Variants in INSRR observed in about 807,000 individuals in gnomAD.
INSRR encodes insulin receptor related receptor, also known as insulin receptor-related protein.
Under a neutral mutation model 130.0 loss-of-function variants are expected in INSRR, and 114 were observed. The observed-to-expected ratio is 0.88, with a 90% CI of 0.75 to 1.02. The LOEUF (loss-of-function observed/expected upper bound fraction) is 1.02. Among genes scored for constraint, INSRR ranks in the 50% least tolerant of loss-of-function variants. The probability of loss-of-function intolerance (pLI) is 0.00; values close to 1 mark genes in which losing one functional copy is unlikely to be tolerated. For synonymous variants in INSRR, 674 were observed against 705.2 expected (o/e 0.96, Z 0.70); for missense variants, 1,657 against 1,735.2 (o/e 0.95, Z 0.80).
At chr1:156,857,179 G>GTT (rs1212034512) in intron 1 of INSRR, among the ~76,000 whole-genome samples, 7 of 121,574 alleles carry the variant, frequency 5.8e-5, no homozygotes, top group African/African-American at 2.5e-4. Context: ...GTGTGTGTGT[G>GTT]TGTGTGTGTG....
chr1:156,852,899 C>T (rs1051036370), intron 2 of INSRR, among the ~76,000 whole-genome samples: 3 of 152,142 alleles, frequency 2.0e-5, no homozygotes, highest in Non-Finnish European at 2.9e-5. Context: ...CTCTCCCGCC[C>T]GCCCTGCTGC....
chr1:156,845,373 T>A lies in INSRR; in HGVS notation c.2215A>T (p.Arg739Trp). 6.3e-7 allele frequency: 1 copy of A among 1,579,590 alleles called. No individual in the cohort carries two copies. Among genetic ancestry groups the A allele is most frequent in the South Asian group, 1.2e-5 (1 of 85,652 alleles). The change falls in exon 11 of 22, where the codon AGG becomes TGG. Residue 739 changes from arginine (R) to tryptophan (W), a missense_variant and splice_region_variant. By Grantham distance (101) the Arg-to-Trp change is moderately radical. Transcript: ENST00000368195. ...AGCACCTGCCCTAGTCCTGCTCACC[T>A]TTGGGGGCTCTTGTTGATGGACGTC... ...KVTSINKSPQ[R>W]DSGRHRRAAG... is the part of the protein sequence containing the mutation.
chr1:156,843,148 A>G lies in INSRR; in HGVS notation c.2982T>C (p.Tyr994=), dbSNP rs1459292640. ...ELGQGSFGMV[Y]EGLARGLEAG... ...CCTCAAGTCCTCGTGCCAGCCCCTCATATACCATCCCAAAAGAGCCCTGGC... is the reference window on the plus strand; with the variant it reads ...CCTCAAGTCCTCGTGCCAGCCCCTCGTATACCATCCCAAAAGAGCCCTGGC... The change falls in exon 17 of 22, where the codon TAT becomes TAC. Residue 994 remains tyrosine, a synonymous_variant. Transcript: ENST00000368195. 1.2e-6 allele frequency: 2 copies of G among 1,614,082 alleles called. No individual in the cohort carries two copies. The highest frequency in any genetic ancestry group is 2.2e-5 in the South Asian group (2 of 91,076).
At position 156,844,592 on chromosome 1, in the gene INSRR, T is replaced by G. The variant is rs759344836; in HGVS notation, c.2607A>C (p.Arg869=). The part of the protein sequence containing the change: ...EATVLCVSRL[R]YAKFGGVHLA... ...GGTGGACTCCCCCAAACTTCGCATA[T>G]CGAAGACGGGACACACACAGCACTG... The change falls in exon 14 of 22, where the codon CGA becomes CGC. Residue 869 remains arginine (R), a synonymous_variant. Coordinates refer to ENST00000368195, the MANE Select transcript of INSRR (RefSeq NM_014215.3). 9 of 1,613,996 alleles carry G rather than the reference T, an allele frequency of 5.6e-6. 1 individual carries two copies. The highest frequency in any genetic ancestry group is 1.1e-5 in the South Asian group (1 of 91,084).
chr1:156,846,398 G>T, intron 8 of INSRR, 121 bp downstream of exon 8: 1 of 841,706 alleles, frequency 1.2e-6, no homozygotes, highest in Non-Finnish European at 1.9e-6. Context: ...CAAGCATCTG[G>T]CCTTCCAGCC....
At chr1:156,846,913 G>A (rs1350718559) in intron 7 of INSRR, among the ~76,000 whole-genome samples, 156 bp from the exon 8 acceptor site, 1 of 152,222 alleles carries the variant, frequency 6.6e-6, no homozygotes, top group Non-Finnish European at 1.5e-5. Context: ...GCAAGGGGGG[G>A]CGGAGGAGGG....
At chr1:156,846,179 G>C in intron 8 of INSRR, 60 bp from the exon 9 acceptor site, 1 of 1,478,174 alleles carries the variant, frequency 6.8e-7, no homozygotes, top group Non-Finnish European at 9.0e-7. Context: ...ATACTATCTA[G>C]TAATGAGCCC....
intron 17 of INSRR, among the ~76,000 whole-genome samples, chr1:156,842,711 G>A (rs1449896866): frequency 2.6e-5 from 4 of 152,096 alleles, no homozygotes; most frequent in South Asian, 2.1e-4. Flanking sequence ...TCACAGTCAC[G>A]AACTTGGTCC....
At chr1:156,849,102 C>T in intron 6 of INSRR, 55 bp from the exon 7 acceptor site, 1 of 1,599,252 alleles carries the variant, frequency 6.3e-7, no homozygotes, top group Non-Finnish European at 8.5e-7. Context: ...CTTGAGCGCC[C>T]ACCCTGACCC....
rs778801552 is a variant in INSRR at position 156,843,487 on chromosome 1, G to C, written c.2844-8C>G. On this transcript the variant is annotated splice_region_variant and splice_polypyrimidine_tract_variant and intron_variant, in intron 15 of 21. Coordinates refer to ENST00000368195, the MANE Select transcript of INSRR (RefSeq NM_014215.3). Reference sequence around the variant, plus strand: ...GCATACAGGGTTCTGTTTCTGCAACGGGAGGTGAGGGGGTCAGGCTGGAAG... The same window carrying C: ...GCATACAGGGTTCTGTTTCTGCAACCGGAGGTGAGGGGGTCAGGCTGGAAG... 4 of 1,614,106 alleles carry C rather than the reference G, an allele frequency of 2.5e-6. No homozygotes were observed. The South Asian group carries it at 3.3e-5, about 13-fold the overall frequency.
chr1:156,858,295 C>T (rs1257134029), intron 1 of INSRR, among the ~76,000 whole-genome samples: 9 of 152,182 alleles, frequency 5.9e-5, no homozygotes, highest in African/African-American at 1.9e-4. Flanking sequence ...CTAGTAGGGA[C>T]GGAAGATATC....
chr1:156,849,088 G>C (rs1246572685), intron 6 of INSRR, 41 bp from the exon 7 acceptor site: 9 of 1,603,118 alleles, frequency 5.6e-6, no homozygotes, highest in Non-Finnish European at 7.7e-6. Context: ...GCGCCTGCCA[G>C]CTGCTTGAGC....
Position 156,840,987 on chromosome 1 carries a change from G to T in INSRR, c.3780C>A (p.Tyr1260Ter). Residue 1260 changes from tyrosine to a stop codon, truncating the protein, a stop_gained, in exon 22 of 22, where the codon TAC becomes TAA. Transcript: ENST00000368195. LOFTEE classifies it low-confidence loss of function (END_TRUNC). ...LRPSFRLLSF[Y>*]YSPECRGARG... ...GGGCCCCCCGGCATTCCGGGCTGTA[G>T]TAGAAGGAGAGGAGGCGGAAGGAGG... The T allele has an allele frequency of 1.2e-6, 2 of 1,613,500 alleles. No homozygotes were observed. Among genetic ancestry groups the T allele is most frequent in the South Asian group, 1.1e-5 (1 of 90,920 alleles).
chr1:156,849,539 C>G, intron 5 of INSRR, 79 bp from the exon 6 acceptor site: 1 of 1,112,274 alleles, frequency 9.0e-7, no homozygotes, highest in Non-Finnish European at 1.3e-6. Context: ...TGGGTTCCTC[C>G]TGGAAGGGTT....
chr1:156,845,932 T>C lies in INSRR; in HGVS notation c.1978+20A>G. ...TTCCCCACCCGCCCCGCGGCCGGCC[T>C]GCGCGTCGTCCCTGCGCACCGCGGT... On this transcript the variant is annotated intron_variant, in intron 9 of 21. Coordinates refer to ENST00000368195, the MANE Select transcript of INSRR (RefSeq NM_014215.3). 1.2e-6 allele frequency: 2 copies of C among 1,607,356 alleles called. No homozygotes were observed. Among genetic ancestry groups the C allele is most frequent in the Non-Finnish European group, 1.7e-6 (2 of 1,176,724 alleles).
At chr1:156,850,342 G>C (rs1655157798) in intron 5 of INSRR, among the ~76,000 whole-genome samples, 1 of 151,864 alleles carries the variant, frequency 6.6e-6, no homozygotes, top group African/African-American at 2.4e-5. Context: ...CTCCTGAGTA[G>C]CTGGGACTAC....
At chr1:156,844,027 T>C (rs1452431880) in intron 15 of INSRR, 148 bp downstream of exon 15, 1 of 627,166 alleles carries the variant, frequency 1.6e-6, no homozygotes, top group Non-Finnish European at 2.8e-6. Context: ...AACTGAGAGG[T>C]ATGTTTCCTC....
chr1:156,846,564 G>C lies in INSRR; in HGVS notation c.1765C>G (p.Gln589Glu). 6.2e-7 allele frequency: 1 copy of C among 1,614,202 alleles called. No individual in the cohort carries two copies. Among genetic ancestry groups the C allele is most frequent in the Non-Finnish European group, 8.5e-7 (1 of 1,180,034 alleles). The change falls in exon 8 of 22, where the codon CAA becomes GAA. Residue 589 changes from glutamine (Q) to glutamate (E), a missense_variant. Gln to Glu is a conservative substitution (Grantham distance 29, BLOSUM62 2). Coordinates refer to ENST00000368195, the MANE Select transcript of INSRR (RefSeq NM_014215.3). ...TAGACGATGGGACTCTGGGCTCCTTGATGAGGGCTGTCCTCCTCAGTGGTT... is the reference window on the plus strand; with the variant it reads ...TAGACGATGGGACTCTGGGCTCCTTCATGAGGGCTGTCCTCCTCAGTGGTT... ...TLTTEEDSPH[Q>E]GAQSPIVYLR...
chr1:156,857,163 ATGTG>A (rs57324546), intron 1 of INSRR, among the ~76,000 whole-genome samples: 8,328 of 130,360 alleles, frequency 0.064, 225 homozygotes, highest in Admixed American at 0.13. Flanking sequence ...GCAGCTGTGT[ATGTG>A]TGTGTGTGTG....
Sources: allele counts gnomAD v4.1 joint callset (sites outside exome capture counted in the v4.1 genomes callset), GRCh38; gene constraint gnomAD v4.1.1; transcripts MANE v1.5; gene names NCBI Gene and HGNC (gene_info 2026-07-23, HGNC 2026-07-21).